The following HS3ST3A1 variants were observed in gnomAD, a reference collection of about 807,000 sequenced individuals.
The protein encoded by HS3ST3A1 is heparan sulfate glucosamine 3-O-sulfotransferase 3A1.
HS3ST3A1 carries 19 observed loss-of-function variants against 25.7 expected under a neutral mutation model. That is an observed-to-expected ratio of 0.74 (90% CI 0.52 to 1.08). HS3ST3A1 has a LOEUF of 1.08. Among genes scored for constraint, HS3ST3A1 ranks in the 50% least tolerant of loss-of-function variants. The pLI, the probability that HS3ST3A1 is intolerant of heterozygous loss-of-function variation, is 0.00. For missense variants in HS3ST3A1, 459 were observed against 594.3 expected (o/e 0.77, Z 2.37); for synonymous variants, 226 against 278.6 (o/e 0.81, Z 1.88).
intron 1 of HS3ST3A1, among the ~76,000 whole-genome samples, chr17:13,571,279 G>A (rs1236166919): frequency 1.3e-5 from 2 of 152,180 alleles, no homozygotes; most frequent in African/African-American, 2.4e-5. Context: ...CAATACTAGA[G>A]TAAGTACATA....
intron 1 of HS3ST3A1, among the ~76,000 whole-genome samples, chr17:13,521,578 G>A (rs1007001255): frequency 1.3e-5 from 2 of 152,152 alleles, no homozygotes; most frequent in Admixed American, 6.5e-5. Flanking sequence ...ATTCGTTAAC[G>A]TTTAACCTCA....
intron 1 of HS3ST3A1, among the ~76,000 whole-genome samples, chr17:13,598,612 A>C (rs894242429): frequency 6.6e-6 from 1 of 152,178 alleles, no homozygotes; most frequent in Non-Finnish European, 1.5e-5. Context: ...GATTTACTTT[A>C]TAGCATGCAT....
intron 1 of HS3ST3A1, among the ~76,000 whole-genome samples, chr17:13,557,151 G>A (rs778922024): frequency 1.3e-5 from 2 of 152,176 alleles, no homozygotes; most frequent in South Asian, 2.1e-4. Context: ...AGCACGGGTC[G>A]GACGAAGGCC....
chr17:13,585,185 GCTTTTTT>G (rs1908218967), intron 1 of HS3ST3A1, among the ~76,000 whole-genome samples: 1 of 50,068 alleles, frequency 2.0e-5, no homozygotes, highest in Admixed American at 2.2e-4. Flanking sequence ...ATTTTTCTGT[GCTTTTTT>G]TTTTTTTTTT....
chr17:13,567,458 A>G (rs1021341281), intron 1 of HS3ST3A1, among the ~76,000 whole-genome samples: 7 of 152,232 alleles, frequency 4.6e-5, no homozygotes, highest in Non-Finnish European at 1.0e-4. Flanking sequence ...TTTAAGGAAT[A>G]TACTTTGTAA....
chr17:13,546,772 A>G (rs1254599409), intron 1 of HS3ST3A1, among the ~76,000 whole-genome samples: 2 of 152,232 alleles, frequency 1.3e-5, no homozygotes, highest in African/African-American at 2.4e-5. Flanking sequence ...TAGAACACCA[A>G]CTTTTCGTAG....
intron 1 of HS3ST3A1, among the ~76,000 whole-genome samples, chr17:13,516,539 T>C (rs750241297): frequency 8.5e-5 from 13 of 152,196 alleles, no homozygotes; most frequent in Non-Finnish European, 1.6e-4. Flanking sequence ...ACTCTTTGCC[T>C]AGACCCAAGT....
chr17:13,535,525 G>A (rs1232853468), intron 1 of HS3ST3A1, among the ~76,000 whole-genome samples: 1 of 152,096 alleles, frequency 6.6e-6, no homozygotes, highest in Non-Finnish European at 1.5e-5. Flanking sequence ...GGCAGCTCTG[G>A]GCATGCCCAC....
intron 1 of HS3ST3A1, among the ~76,000 whole-genome samples, chr17:13,548,469 T>C (rs891135447): frequency 6.6e-5 from 10 of 152,218 alleles, no homozygotes; most frequent in African/African-American, 2.4e-4. Flanking sequence ...GTATGAATTT[T>C]GCAGGAACAT....
At chr17:13,536,752 C>T (rs897204066) in intron 1 of HS3ST3A1, among the ~76,000 whole-genome samples, 4 of 152,164 alleles carry the variant, frequency 2.6e-5, no homozygotes, top group Non-Finnish European at 1.5e-5. Flanking sequence ...CCCATGCAGT[C>T]CCACAGAGTC....
intron 1 of HS3ST3A1, among the ~76,000 whole-genome samples, chr17:13,565,357 C>T (rs1272108962): frequency 2.0e-5 from 3 of 151,970 alleles, no homozygotes; most frequent in Non-Finnish European, 4.4e-5. Context: ...CATAGTGAAT[C>T]CCCATCTCTA....
At chr17:13,549,076 C>T (rs902796525) in intron 1 of HS3ST3A1, among the ~76,000 whole-genome samples, 3 of 152,210 alleles carry the variant, frequency 2.0e-5, no homozygotes, top group African/African-American at 4.8e-5. Context: ...CTGTTGCTCA[C>T]GCTTTGGGTC....
chr17:13,523,583 T>C (rs1906317565), intron 1 of HS3ST3A1, among the ~76,000 whole-genome samples: 1 of 152,170 alleles, frequency 6.6e-6, no homozygotes, highest in Admixed American at 6.5e-5. Context: ...TTCCATAGAA[T>C]TTGTGCCCTC....
intron 1 of HS3ST3A1, among the ~76,000 whole-genome samples, chr17:13,534,192 C>G (rs6502274): frequency 0.44 from 67,280 of 151,836 alleles, 16,569 homozygotes; most frequent in African/African-American, 0.67. Context: ...CTATAAATGG[C>G]GTTAATGTCT....
intron 1 of HS3ST3A1, among the ~76,000 whole-genome samples, chr17:13,542,523 C>A (rs184762374): frequency 6.6e-6 from 1 of 152,082 alleles, no homozygotes; most frequent in East Asian, 1.9e-4. Flanking sequence ...CAACCCTACC[C>A]ATCCTCAATC....
chr17:13,572,255 T>G (rs1363807563), intron 1 of HS3ST3A1, among the ~76,000 whole-genome samples: 3 of 152,144 alleles, frequency 2.0e-5, no homozygotes, highest in Non-Finnish European at 4.4e-5. Context: ...CAAATGTATT[T>G]TTGAGAGGAT....
chr17:13,567,436 C>A (rs780968375), intron 1 of HS3ST3A1, among the ~76,000 whole-genome samples: 27 of 152,292 alleles, frequency 1.8e-4, no homozygotes, highest in Admixed American at 1.2e-3. Context: ...TTTTGACTTT[C>A]AAGTCTCATT....
chr17:13,558,436 CAATTAT>C (rs1907438434), intron 1 of HS3ST3A1, among the ~76,000 whole-genome samples: 1 of 151,764 alleles, frequency 6.6e-6, no homozygotes, highest in Admixed American at 6.6e-5. Flanking sequence ...TTTCAAAGAT[CAATTAT>C]ACAATTTAAA....
At chr17:13,525,743 C>T (rs577548083) in intron 1 of HS3ST3A1, among the ~76,000 whole-genome samples, 5 of 152,262 alleles carry the variant, frequency 3.3e-5, no homozygotes, top group African/African-American at 1.2e-4. Context: ...TTCCTGCTGA[C>T]CTTACAGGGC....
Sources: allele counts gnomAD v4.1 joint callset (sites outside exome capture counted in the v4.1 genomes callset), GRCh38; gene constraint gnomAD v4.1.1; transcripts MANE v1.5; gene names NCBI Gene and HGNC (gene_info 2026-07-23, HGNC 2026-07-21).